ZNF454: variants seen among roughly 807,000 people sequenced by gnomAD.
ZNF454 encodes the protein zinc finger protein 454.
Under a neutral mutation model 48.2 loss-of-function variants are expected in ZNF454, and 30 were observed. That is an observed-to-expected ratio of 0.62 (90% confidence interval 0.47 to 0.84). The LOEUF (loss-of-function observed/expected upper bound fraction) is 0.84, where lower values mean the gene tolerates loss of function less well. Among genes scored for constraint, ZNF454 ranks in the 40% least tolerant of loss-of-function variants. The pLI is 0.00. For synonymous variants in ZNF454, 204 were observed against 211.4 expected, an observed-to-expected ratio of 0.97 and a Z score of 0.30; for missense variants, 510 against 623.1, an observed-to-expected ratio of 0.82 and a Z score of 1.93.
At chr5:178,949,445 G>C (rs570657099) in intron 4 of ZNF454, among the ~76,000 whole-genome samples, 2 of 152,008 alleles carry the variant, frequency 1.3e-5, no homozygotes, top group East Asian at 3.9e-4. Flanking sequence ...TTAAAAAATA[G>C]ATCTATTTTG....
At chr5:178,987,320 G>A in the ZNF454 span, 46 of 502,424 alleles carry the variant, frequency 9.2e-5, no homozygotes, top group Admixed American at 3.2e-4. Flanking sequence ...GTAGATACTC[G>A]AGAGACTAGA....
the ZNF454 span, among the ~76,000 whole-genome samples, chr5:178,982,127 G>A: frequency 6.6e-6 from 1 of 152,184 alleles, no homozygotes; most frequent in Admixed American, 6.5e-5. Flanking sequence ...GTCAGTGAAT[G>A]AGCACGTTTC....
the ZNF454 span, among the ~76,000 whole-genome samples, chr5:178,983,931 G>A: frequency 2.6e-5 from 4 of 152,218 alleles, no homozygotes; most frequent in Admixed American, 2.6e-4. Context: ...TGGGGGCAGG[G>A]GTGGAGCTGG....
chr5:178,983,005 C>T, the ZNF454 span: 91 of 1,614,014 alleles, frequency 5.6e-5, no homozygotes, highest in Admixed American at 1.2e-3. Context: ...GGCTTGGCCT[C>T]GTTGAAGGTC....
At chr5:178,948,611 C>T (rs1056639199) in intron 4 of ZNF454, among the ~76,000 whole-genome samples, 1 of 152,106 alleles carries the variant, frequency 6.6e-6, no homozygotes, top group Non-Finnish European at 1.5e-5. Context: ...GGGCCCCTGC[C>T]CACACTCTGT....
intron 2 of ZNF454, among the ~76,000 whole-genome samples, chr5:178,943,879 T>C (rs112923471): frequency 0.073 from 11,052 of 151,900 alleles, 517 homozygotes; most frequent in Non-Finnish European, 0.1. Context: ...CAAAAAAAAT[T>C]AGCTGGGCGT....
the ZNF454 span, chr5:178,988,981 A>G: frequency 1 from 1,609,548 of 1,614,002 alleles, 802,671 homozygotes; most frequent in Non-Finnish European, 1. This position sits in a 1 kb window ranked among gnomAD's most constrained non-coding sequence, Gnocchi z 6.0. Flanking sequence ...TCCGCCCATC[A>G]GTGGGTTCCA....
chr5:178,955,462 T>C (rs1759709775), intron 4 of ZNF454, among the ~76,000 whole-genome samples: 1 of 152,264 alleles, frequency 6.6e-6, no homozygotes, highest in Admixed American at 6.5e-5. Context: ...GATGATGCTG[T>C]GGTTGATAAA....
chr5:178,983,194 C>A, the ZNF454 span: 1 of 1,612,596 alleles, frequency 6.2e-7, no homozygotes, highest in South Asian at 1.1e-5. Flanking sequence ...GGGGGCCGGG[C>A]CCCCAGCCAT....
chr5:178,941,269 C>T lies in ZNF454; in HGVS notation c.-283C>T. 6.0e-5 allele frequency: 24 copies of T among 403,142 alleles called. No homozygotes were observed. The highest frequency in any genetic ancestry group is 4.1e-4 in the South Asian group (23 of 55,720). 25.0% of individuals were successfully genotyped at this position (403,142 alleles called of 1,614,324 possible). On this transcript the variant is annotated 5_prime_UTR_variant, in exon 1 of 5. Coordinates refer to ENST00000519564, the MANE Select transcript of ZNF454 (RefSeq NM_001178089.3). The surrounding 1 kb of genome is among the most constrained non-coding windows in gnomAD (Gnocchi z 5.5). ...GGCGCTTGCGATCTCTCGCCGCCGG[C>T]AGAGGCTCCTCGAAGAGCGACACGG...
At chr5:178,942,913 ATCCAG>A in intron 2 of ZNF454, 89 bp downstream of exon 2, 1 of 1,464,706 alleles carries the variant, frequency 6.8e-7, no homozygotes. Flanking sequence ...TTTATTCCCA[ATCCAG>A]TCCCACCCAG....
At chr5:178,989,574 C>CGTGGCCAGGTGAGCTAGGA in the ZNF454 span, among the ~76,000 whole-genome samples, 2 of 150,312 alleles carry the variant, frequency 1.3e-5, no homozygotes, top group African/African-American at 2.5e-5. Context: ...GTGAGTTAGG[C>CGTGGCCAGGTGAGCTAGGA]GTGGCCAGGT....
Position 178,946,550 on chromosome 5 carries a change from C to T in ZNF454, c.160+65C>T, listed in dbSNP as rs1311361179. On this transcript the variant is annotated intron_variant, in intron 3 of 4. Coordinates refer to ENST00000519564, the MANE Select transcript of ZNF454 (RefSeq NM_001178089.3). The surrounding 1 kb of genome is among the most constrained non-coding windows in gnomAD (Gnocchi z 4.5). ...GATCTCTTTGGGACCCTTACATTGACACCATATAGAAGAGTCGGTTGGACC... is the reference window on the plus strand; with the variant it reads ...GATCTCTTTGGGACCCTTACATTGATACCATATAGAAGAGTCGGTTGGACC... 1.3e-6 allele frequency: 2 copies of T among 1,536,048 alleles called. No homozygotes were observed. The highest frequency in any genetic ancestry group is 1.7e-6 in the Non-Finnish European group (2 of 1,145,504).
the ZNF454 span, among the ~76,000 whole-genome samples, chr5:178,973,526 G>T: frequency 6.6e-6 from 1 of 152,036 alleles, no homozygotes; most frequent in South Asian, 2.1e-4. Context: ...CCAGTTTTTA[G>T]TGTCTTTACT....
At chr5:178,981,572 G>A in the ZNF454 span, 20 of 1,063,384 alleles carry the variant, frequency 1.9e-5, no homozygotes, top group Middle Eastern at 2.8e-4. This position sits in a 1 kb window ranked among gnomAD's most constrained non-coding sequence, Gnocchi z 5.1. Context: ...ACTGTTCACC[G>A]TGGACCCGGG....
Position 178,964,835 on chromosome 5 carries a change from A to C in ZNF454, c.431A>C (p.His144Pro). ...AGTTTGCAGCGAGTGGTACTCACTC[A>C]CCCCAACACCCCATCACAGGAATGT... is the stretch of plus-strand genomic sequence containing the variant. ...EISLQRVVLTHPNTPSQECDE... is the reference protein window; with the variant it reads ...EISLQRVVLTPPNTPSQECDE... Residue 144 changes from histidine (H) to proline (P), a missense_variant, in exon 5 of 5, where the codon CAC (histidine) becomes CCC (proline). Coordinates refer to ENST00000519564, the MANE Select transcript of ZNF454 (RefSeq NM_001178089.3). The C allele has an allele frequency of 6.2e-7, 1 of 1,614,188 alleles. No individual in the cohort carries two copies.
At chr5:178,972,301 C>T in the ZNF454 span, among the ~76,000 whole-genome samples, 17,091 of 152,126 alleles carry the variant, frequency 0.11, 1,125 homozygotes, top group East Asian at 0.23. Context: ...TATGACTATA[C>T]AACATTTTAC....
the ZNF454 span, among the ~76,000 whole-genome samples, chr5:178,984,225 C>A: frequency 6.6e-6 from 1 of 152,046 alleles, no homozygotes. Context: ...AAGCCCAGGG[C>A]TGCACAGCGG....
At position 178,945,088 on chromosome 5, in the gene ZNF454, G is replaced by A. The variant is rs369249306; in HGVS notation, c.34-1271G>A. On this transcript the variant is annotated intron_variant, in intron 2 of 4. Coordinates refer to ENST00000519564, the MANE Select transcript of ZNF454 (RefSeq NM_001178089.3). ...GTGTGTGTGGGGGTATTTGTGGGGG[G>A]GTGTGTGTGTTCGGGTGTGTGTGCG... Among the ~76,000 whole-genome samples, 24 of 97,094 alleles carry A rather than the reference G, an allele frequency of 2.5e-4. 1 individual carries two copies. The highest frequency in any genetic ancestry group is 4.8e-4 in the Non-Finnish European group (22 of 45,692). The allele number at this position is 97,094 out of a possible 152,430, so 63.7% of individuals were successfully genotyped here.
Sources: allele counts gnomAD v4.1 joint callset (sites outside exome capture counted in the v4.1 genomes callset), GRCh38; gene constraint gnomAD v4.1.1; non-coding constraint Gnocchi (gnomAD v3.1); transcripts MANE v1.5; gene names NCBI Gene and HGNC (gene_info 2026-07-23, HGNC 2026-07-21).